The following CDH2 variants were observed in gnomAD, a reference collection of about 807,000 sequenced individuals.
The protein encoded by CDH2 is cadherin 2.
A neutral mutation model predicts 92.0 loss-of-function variants in CDH2; 17 were observed. The observed-to-expected ratio is 0.18, with a 90% CI of 0.13 to 0.28. CDH2 has a LOEUF of 0.28. Ranked by LOEUF, CDH2 falls within the 10% of genes least tolerant of loss-of-function variation. CDH2 has a pLI of 1.00. For synonymous variants in CDH2, 419 were observed against 415.9 expected (o/e 1.01, Z -0.09); for missense variants, 862 against 1,133.1 (o/e 0.76, Z 3.44).
intron 6 of CDH2, among the ~76,000 whole-genome samples, chr18:27,936,275 A>G (rs1909017391): frequency 6.6e-6 from 1 of 152,178 alleles, no homozygotes; most frequent in Non-Finnish European, 1.5e-5. Flanking sequence ...TAAATAGACA[A>G]GCAGACATTG....
intron 2 of CDH2, among the ~76,000 whole-genome samples, chr18:28,097,633 C>G (rs1460341827): frequency 6.6e-6 from 1 of 151,972 alleles, no homozygotes; most frequent in African/African-American, 2.4e-5. Context: ...CTAGAGATAA[C>G]TTAAAGTATA....
chr18:28,177,051 C>CGGAGGAGGA lies in CDH2; in HGVS notation c.-30_-29insTCCTCCTCC. The CGGAGGAGGA allele has an allele frequency of 6.8e-7, 1 of 1,471,604 alleles. No homozygotes were observed. The highest frequency in any genetic ancestry group is 1.5e-5 in the African/African-American group (1 of 65,462). The allele number at this position is 1,471,604 out of a possible 1,614,324, so 91.2% of individuals were successfully genotyped here. A position where few individuals can be genotyped will look rare whatever the true frequency, so the allele number is the denominator to read the frequency against. ...GGCGGAGAGGGGCCGAGCGAAGAGCCGGAGGAGGCGGCGGCGGCGGCGGCG... is the reference window on the plus strand; with the variant it reads ...GGCGGAGAGGGGCCGAGCGAAGAGCCGGAGGAGGAGGAGGAGGCGGCGGCGGCGGCGGCG... On this transcript the variant is annotated 5_prime_UTR_variant, in exon 1 of 16. Coordinates refer to ENST00000269141, the MANE Select transcript of CDH2 (RefSeq NM_001792.5).
At chr18:28,069,443 T>C (rs2014574280) in intron 2 of CDH2, among the ~76,000 whole-genome samples, 1 of 152,178 alleles carries the variant, frequency 6.6e-6, no homozygotes, top group African/African-American at 2.4e-5. Flanking sequence ...CTTTCTATAA[T>C]AGTAATCCCA....
intron 2 of CDH2, among the ~76,000 whole-genome samples, chr18:28,108,807 C>T (rs1048070445): frequency 2.6e-5 from 4 of 151,746 alleles, no homozygotes; most frequent in African/African-American, 9.7e-5. Flanking sequence ...AACAGCTTTC[C>T]CCAAATTTTC....
At chr18:28,151,022 C>T (rs1411852541) in intron 1 of CDH2, among the ~76,000 whole-genome samples, 1 of 152,196 alleles carries the variant, frequency 6.6e-6, no homozygotes, top group Non-Finnish European at 1.5e-5. Context: ...GCTTACTTTG[C>T]ACCAAGCACT....
chr18:28,139,677 T>G (rs1213201981), intron 2 of CDH2, among the ~76,000 whole-genome samples: 1 of 151,994 alleles, frequency 6.6e-6, no homozygotes, highest in African/African-American at 2.4e-5. Context: ...GCCTACTGAT[T>G]CCTCTCCTAC....
At chr18:27,980,178 T>A in intron 14 of CDH2, among the ~76,000 whole-genome samples, 1 of 152,140 alleles carries the variant, frequency 6.6e-6, no homozygotes, top group Middle Eastern at 3.2e-3. Context: ...TGAAGGAAAC[T>A]TAAGTCACCG....
chr18:27,939,211 C>A (rs1007891189), intron 6 of CDH2, among the ~76,000 whole-genome samples: 8 of 152,114 alleles, frequency 5.3e-5, no homozygotes, highest in Admixed American at 1.3e-4. Flanking sequence ...CATGTTCTTC[C>A]ATAGATGAAC....
intron 2 of CDH2, among the ~76,000 whole-genome samples, chr18:28,092,038 A>G (rs370281468): frequency 2.6e-5 from 4 of 151,978 alleles, no homozygotes; most frequent in African/African-American, 2.4e-5. Context: ...TAAGAACACC[A>G]ATGATACTGG....
intron 2 of CDH2, among the ~76,000 whole-genome samples, chr18:28,065,694 TC>T (rs762815642): frequency 2.6e-4 from 39 of 152,278 alleles, no homozygotes; most frequent in Non-Finnish European, 1.8e-4. Flanking sequence ...ATCCCTTTTT[TC>T]CTCTCTCATT....
chr18:27,983,364 A>G (rs369534940), intron 13 of CDH2, among the ~76,000 whole-genome samples: 2 of 152,144 alleles, frequency 1.3e-5, no homozygotes, highest in African/African-American at 2.4e-5. Flanking sequence ...CCATCCATAT[A>G]TGGGGACAGT....
At chr18:28,050,320 A>G (rs1206200495) in intron 2 of CDH2, among the ~76,000 whole-genome samples, 4 of 152,174 alleles carry the variant, frequency 2.6e-5, no homozygotes, top group Admixed American at 2.6e-4. Flanking sequence ...TATAGTTATA[A>G]GCCTTAGTAT....
chr18:28,054,875 C>T (rs1302512854), intron 2 of CDH2, among the ~76,000 whole-genome samples: 1 of 152,046 alleles, frequency 6.6e-6, no homozygotes, highest in Non-Finnish European at 1.5e-5. Context: ...GAAGAAAATG[C>T]ATTTATGGCA....
chr18:27,992,882 C>T (rs747943392), intron 8 of CDH2, 42 bp from the exon 9 acceptor site: 3 of 1,479,630 alleles, frequency 2.0e-6, no homozygotes, highest in African/African-American at 1.4e-5. Flanking sequence ...GGGCATGGAC[C>T]ACTGAAGGAC....
At chr18:28,116,089 G>A (rs1725861745) in intron 2 of CDH2, among the ~76,000 whole-genome samples, 1 of 152,132 alleles carries the variant, frequency 6.6e-6, no homozygotes, top group South Asian at 2.1e-4. Context: ...ATGGGTAGAG[G>A]TCAGGAATGC....
At chr18:27,967,398 C>T (rs2011556886) in intron 14 of CDH2, among the ~76,000 whole-genome samples, 1 of 152,128 alleles carries the variant, frequency 6.6e-6, no homozygotes, top group East Asian at 1.9e-4. Context: ...TACATAAACA[C>T]ACAAATGACA....
chr18:28,023,266 T>C (rs938631827), intron 2 of CDH2, among the ~76,000 whole-genome samples: 2 of 152,186 alleles, frequency 1.3e-5, no homozygotes, highest in African/African-American at 4.8e-5. Flanking sequence ...ATATCATCTA[T>C]AGCCTTTATA....
chr18:28,168,270 TCTGTACTC>T (rs2016415172), intron 1 of CDH2, among the ~76,000 whole-genome samples: 1 of 152,134 alleles, frequency 6.6e-6, no homozygotes, highest in Non-Finnish European at 1.5e-5. Flanking sequence ...CAAATCAGTA[TCTGTACTC>T]AGTTACACTA....
At chr18:27,976,238 G>GC (rs1301488035) in intron 14 of CDH2, among the ~76,000 whole-genome samples, 4 of 152,078 alleles carry the variant, frequency 2.6e-5, no homozygotes, top group African/African-American at 9.7e-5. Context: ...TCACCTTGAG[G>GC]CTGGCATTGC....
Sources: gnomAD v4.1 joint callset for allele counts (sites outside exome capture counted in the v4.1 genomes callset) on GRCh38, gnomAD v4.1.1 for gene constraint, MANE v1.5 for transcripts, NCBI Gene and HGNC (gene_info 2026-07-23, HGNC 2026-07-21) for gene names.